Variants in NCKAP1L observed in about 807,000 individuals in gnomAD.
The protein encoded by NCKAP1L is NCK associated protein 1 like.
NCKAP1L carries 53 observed loss-of-function variants against 139.2 expected under a neutral mutation model. The ratio of observed to expected loss-of-function variants is 0.38; its 90% CI spans 0.31 to 0.48. NCKAP1L has a LOEUF of 0.48. Ranked by LOEUF, NCKAP1L falls within the 20% of genes least tolerant of loss-of-function variation. The probability of loss-of-function intolerance (pLI) is 0.98; values close to 1 mark genes in which losing one functional copy is unlikely to be tolerated. For missense variants in NCKAP1L, 1,151 were observed against 1,381.9 expected (o/e 0.83, Z 2.65); for synonymous variants, 468 against 499.7 (o/e 0.94, Z 0.85).
Position 54,531,333 on chromosome 12 carries a change from G to T in NCKAP1L, c.2580G>T (p.Val860=). The T allele has an allele frequency of 1.2e-6, 2 of 1,614,040 alleles. No homozygotes were observed. Among genetic ancestry groups the T allele is most frequent in the Non-Finnish European group, 1.7e-6 (2 of 1,179,978 alleles). Residue 860 remains valine (V), a synonymous_variant, in exon 23 of 31, where the codon GTG becomes GTT. Transcript: ENST00000293373. The part of the protein sequence containing the change: ...KFLSENLMWH[V]TSQIVELKKL... ...TGAGTGAAAACCTGATGTGGCATGTGACCTCTCAGATTGTGGAGCTGAAGG... is the reference window on the plus strand; with the variant it reads ...TGAGTGAAAACCTGATGTGGCATGTTACCTCTCAGATTGTGGAGCTGAAGG...
chr12:54,522,904 G>C (rs1299136096), intron 18 of NCKAP1L, among the ~76,000 whole-genome samples: 1 of 152,180 alleles, frequency 6.6e-6, no homozygotes, highest in African/African-American at 2.4e-5. Flanking sequence ...GACAATGCTG[G>C]CCACATTGTG....
chr12:54,502,663 C>T (rs1258570682), intron 3 of NCKAP1L, among the ~76,000 whole-genome samples: 3 of 151,642 alleles, frequency 2.0e-5, no homozygotes. Flanking sequence ...GGAAATATAA[C>T]ATACACAGGA....
chr12:54,542,011 C>T (rs1957161685), intron 30 of NCKAP1L, among the ~76,000 whole-genome samples: 1 of 151,884 alleles, frequency 6.6e-6, no homozygotes, highest in African/African-American at 2.4e-5. Flanking sequence ...GCTGTGGGGG[C>T]TGCTGGGATT....
rs574434980 is a variant in NCKAP1L at position 54,528,600 on chromosome 12, G to A, written c.2506+223G>A. 5.9e-5 allele frequency among the ~76,000 whole-genome samples: 9 copies of A among 151,920 alleles called. 1 individual carries two copies. Among genetic ancestry groups the A allele is most frequent in the African/African-American group, 1.9e-4 (8 of 41,462 alleles). Reference sequence around the variant, plus strand: ...GTTTGGAATTATTAAATAGTGGTCTGCTGTCATGGCATCTTCTTCTTCTTC... The same window carrying A: ...GTTTGGAATTATTAAATAGTGGTCTACTGTCATGGCATCTTCTTCTTCTTC... On this transcript the variant is annotated intron_variant, in intron 22 of 30. Coordinates refer to ENST00000293373, the MANE Select transcript of NCKAP1L (RefSeq NM_005337.5).
chr12:54,510,015 A>G (rs1355336964), intron 7 of NCKAP1L, 30 bp downstream of exon 7: 1 of 1,612,358 alleles, frequency 6.2e-7, no homozygotes, highest in South Asian at 1.1e-5. Context: ...TGTTAGTGGA[A>G]GCATTCTCTT....
At chr12:54,526,429 A>C in intron 20 of NCKAP1L, 99 bp from the exon 21 acceptor site, 1 of 920,540 alleles carries the variant, frequency 1.1e-6, no homozygotes, top group African/African-American at 1.6e-5. Context: ...GTGTAGTAAA[A>C]TCCTAGCACA....
At chr12:54,520,572 A>T (rs1232318013) in intron 16 of NCKAP1L, 122 bp from the exon 17 acceptor site, 1 of 959,354 alleles carries the variant, frequency 1.0e-6, no homozygotes, top group African/African-American at 1.6e-5. Context: ...GAAAGAATGA[A>T]TATCCTCTCC....
chr12:54,531,363 A>G lies in NCKAP1L; in HGVS notation c.2604+6A>G. ...CTCAGATTGTGGAGCTGAAGGTACTATGGAAACAATCCCTTGGGGAAAAGA... is the reference window on the plus strand; with the variant it reads ...CTCAGATTGTGGAGCTGAAGGTACTGTGGAAACAATCCCTTGGGGAAAAGA... On this transcript the variant is annotated splice_donor_region_variant and intron_variant, in intron 23 of 30. Transcript: ENST00000293373. 1 of 1,613,796 alleles carries G rather than the reference A, an allele frequency of 6.2e-7. No homozygotes were observed.
rs1435234361 is a variant in NCKAP1L at position 54,548,087 on chromosome 12, T to G, written c.*5402T>G. On this transcript the variant is annotated 3_prime_UTR_variant, in exon 31 of 31. Coordinates refer to ENST00000293373, the MANE Select transcript of NCKAP1L (RefSeq NM_005337.5). ...GTCTTAGCTGTGACAGTTCATCCGC[T>G]TCTTCGCCCTTCCATTTCACTTCTT... is the stretch of plus-strand genomic sequence containing the variant. The G allele has an allele frequency of 1.3e-5, 2 of 152,278 alleles. No individual in the cohort carries two copies. The highest frequency in any genetic ancestry group is 2.4e-5 in the African/African-American group (1 of 41,468). 9.4% of individuals were successfully genotyped at this position (152,278 alleles called of 1,614,324 possible).
intron 21 of NCKAP1L, 60 bp from the exon 22 acceptor site, chr12:54,528,187 G>T: frequency 3.2e-6 from 5 of 1,581,802 alleles, no homozygotes; most frequent in Non-Finnish European, 4.3e-6. Flanking sequence ...TAGTAGTAGG[G>T]AATGCTGGTA....
At chr12:54,534,991 C>T in intron 26 of NCKAP1L, 113 bp from the exon 27 acceptor site, 1 of 699,168 alleles carries the variant, frequency 1.4e-6, no homozygotes, top group Non-Finnish European at 2.3e-6. Flanking sequence ...TATATAAAAG[C>T]ATCTTTAAAA....
chr12:54,513,656 A>G, intron 9 of NCKAP1L, among the ~76,000 whole-genome samples: 1 of 152,218 alleles, frequency 6.6e-6, no homozygotes, highest in Admixed American at 6.5e-5. Flanking sequence ...AAAAATGTTC[A>G]TTGGATTTGG....
chr12:54,517,341 C>T (rs1183608925), intron 11 of NCKAP1L, among the ~76,000 whole-genome samples, 192 bp from the exon 12 acceptor site: 1 of 152,066 alleles, frequency 6.6e-6, no homozygotes, highest in Non-Finnish European at 1.5e-5. Context: ...AATTGTGAGC[C>T]AGTGTCAACA....
chr12:54,498,048 A>G (rs764037173), intron 1 of NCKAP1L, among the ~76,000 whole-genome samples, 157 bp downstream of exon 1: 7 of 152,060 alleles, frequency 4.6e-5, no homozygotes, highest in Non-Finnish European at 1.0e-4. Flanking sequence ...CAGGCCAGCC[A>G]GTTCAGGAAG....
chr12:54,519,010 A>T (rs1956957610), intron 15 of NCKAP1L, 38 bp downstream of exon 15: 3 of 1,591,338 alleles, frequency 1.9e-6, no homozygotes. Context: ...TCATCCTCAG[A>T]TTCTTCCTCC....
intron 21 of NCKAP1L, among the ~76,000 whole-genome samples, chr12:54,527,529 T>C (rs148590384): frequency 6.6e-6 from 1 of 152,340 alleles, no homozygotes; most frequent in East Asian, 1.9e-4. Context: ...TAAATCCTTA[T>C]ATTTTATGTA....
rs1164215951 is a variant in NCKAP1L, at chr12:54,511,985, A to G, written c.821A>G (p.Asn274Ser). The change falls in exon 9 of 31, where the codon AAT becomes AGT. Residue 274 changes from asparagine (N) to serine (S), a missense_variant. Coordinates refer to ENST00000293373, the MANE Select transcript of NCKAP1L (RefSeq NM_005337.5). ...CTTTGTCATGGGTGCCTCAACTCCA[A>G]TAGCCAGTGCCAGAAGCTGTGGAAG... ...FLLCHGCLNS[N>S]SQCQKLWKLC... 1.2e-6 allele frequency: 2 copies of G among 1,614,190 alleles called. No individual in the cohort carries two copies. Among genetic ancestry groups the G allele is most frequent in the African/African-American group, 1.3e-5 (1 of 75,048 alleles).
At chr12:54,538,203 A>C (rs1957128004) in intron 29 of NCKAP1L, among the ~76,000 whole-genome samples, 1 of 152,222 alleles carries the variant, frequency 6.6e-6, no homozygotes, top group African/African-American at 2.4e-5. Flanking sequence ...CAGGGATCAT[A>C]AGATTGGTTG....
In NCKAP1L at chr12:54,506,210, G is replaced by A. The variant is rs1178101351; in HGVS notation, c.307-1643G>A. On this transcript the variant is annotated intron_variant, in intron 3 of 30. Transcript: ENST00000293373. ...TAAGAAACCGCCAAACCTTTTTTCA[G>A]AGTTGTTCCATTTTATCTTCCCACC... is the stretch of plus-strand genomic sequence containing the variant. Among the ~76,000 whole-genome samples the A allele has an allele frequency of 2.6e-5, 4 of 151,992 alleles. No individual in the cohort carries two copies. The East Asian group carries it at 7.7e-4, about 29-fold the overall frequency.
Sources: gnomAD v4.1 joint callset for allele counts (sites outside exome capture counted in the v4.1 genomes callset) on GRCh38, gnomAD v4.1.1 for gene constraint, MANE v1.5 for transcripts, NCBI Gene and HGNC (gene_info 2026-07-23, HGNC 2026-07-21) for gene names.